The following BCL9 variants were observed in gnomAD, a reference collection of about 807,000 sequenced individuals.
BCL9 encodes the protein BCL9 transcription coactivator.
In BCL9, 25 loss-of-function variants were observed where a neutral mutation model predicts 88.5. The ratio of observed to expected loss-of-function variants is 0.28; its 90% CI spans 0.21 to 0.39. The LOEUF is 0.39. Ranked by LOEUF, BCL9 falls within the 10% of genes least tolerant of loss-of-function variation. The pLI is 1.00. For missense variants in BCL9, 1,817 were observed against 1,877.8 expected, an observed-to-expected ratio of 0.97 and a Z score of 0.60; for synonymous variants, 711 against 673.3, an observed-to-expected ratio of 1.06 and a Z score of -0.87.
intron 1 of BCL9, among the ~76,000 whole-genome samples, chr1:147,546,152 C>T (rs587752470): frequency 4.4e-4 from 67 of 152,028 alleles, no homozygotes; most frequent in Admixed American, 4.3e-3. Context: ...CTGGCTAAAA[C>T]GGTGAAACCC....
intron 8 of BCL9, among the ~76,000 whole-genome samples, 183 bp from the exon 9 acceptor site, chr1:147,622,088 A>G (rs587683843): frequency 6.6e-6 from 1 of 152,264 alleles, no homozygotes; most frequent in Admixed American, 6.5e-5. Flanking sequence ...ATCACACCAC[A>G]GTCTCCCTCT....
intron 1 of BCL9, among the ~76,000 whole-genome samples, chr1:147,571,584 T>G (rs1553197430): frequency 6.6e-6 from 1 of 152,182 alleles, no homozygotes; most frequent in Non-Finnish European, 1.5e-5. Context: ...CCCTTAGTTC[T>G]TCCTCAAATG....
rs1570903244 is a variant in BCL9, at chr1:147,611,747, C to T, written c.-90C>T. 2.3e-6 allele frequency: 3 copies of T among 1,289,758 alleles called. No homozygotes were observed. Among genetic ancestry groups the T allele is most frequent in the Non-Finnish European group, 3.4e-6 (3 of 887,608 alleles). The allele number at this position is 1,289,758 out of a possible 1,614,324, so 79.9% of individuals were successfully genotyped here. ...GCACCCAGCAAGCAGTGGGCCAGTG[C>T]CACTGCCCCCAGCAGCTGTTTCTGC... is the stretch of plus-strand genomic sequence containing the variant. On this transcript the variant is annotated 5_prime_UTR_variant, in exon 4 of 10. Transcript: ENST00000234739.
At chr1:147,576,961 C>T (rs1398738287) in intron 1 of BCL9, among the ~76,000 whole-genome samples, 1 of 152,086 alleles carries the variant, frequency 6.6e-6, no homozygotes, top group Admixed American at 6.5e-5. Flanking sequence ...ACCATCATTA[C>T]GTTATTTTGT....
chr1:147,551,956 G>A (rs1347666249), intron 1 of BCL9, among the ~76,000 whole-genome samples: 1 of 152,204 alleles, frequency 6.6e-6, no homozygotes, highest in Non-Finnish European at 1.5e-5. Flanking sequence ...ATAAATATCT[G>A]TTGTATGTCA....
At chr1:147,553,290 T>C (rs909825562) in intron 1 of BCL9, among the ~76,000 whole-genome samples, 2 of 152,210 alleles carry the variant, frequency 1.3e-5, no homozygotes, top group Non-Finnish European at 1.5e-5. Context: ...TTTGGTTCTT[T>C]ACTTAGCTTC....
intron 1 of BCL9, among the ~76,000 whole-genome samples, chr1:147,594,225 A>C (rs1361399730): frequency 6.6e-6 from 1 of 152,196 alleles, no homozygotes; most frequent in Non-Finnish European, 1.5e-5. Context: ...TTGACTGACG[A>C]GGGGAGAGGC....
At position 147,624,532 on chromosome 1, in the gene BCL9, G is replaced by A; in HGVS notation, c.3854G>A (p.Gly1285Glu). ...ATGGGCGAACAAGCCCCCAGAATGG[G>A]ACTAGCATTACCTGGCATGGGAGGT... Reference protein sequence around the residue: ...GMMGEQAPRMGLALPGMGGPG... With the variant: ...GMMGEQAPRMELALPGMGGPG... Residue 1285 changes from glycine to glutamate, a missense_variant, in exon 10 of 10, where the codon GGA becomes GAA. By Grantham distance (98) the Gly-to-Glu change is moderately conservative. This residue lies in a region of BCL9 where 589 missense variants were observed against 686.2 expected (regional missense o/e 0.86). Transcript: ENST00000234739. This position sits in a 1 kb window ranked among gnomAD's most constrained non-coding sequence, Gnocchi z 4.4. The A allele has an allele frequency of 6.2e-7, 1 of 1,614,148 alleles. No individual in the cohort carries two copies. The highest frequency in any genetic ancestry group is 1.1e-5 in the South Asian group (1 of 91,082).
rs1298308635 is a variant in BCL9, at chr1:147,619,147, C to T, written c.992C>T (p.Pro331Leu). The change falls in exon 8 of 10, where the codon CCT (proline) becomes CTT (leucine). Residue 331 changes from proline to leucine, a missense_variant. By Grantham distance (98) the Pro-to-Leu change is moderately conservative (BLOSUM62 -3). Transcript: ENST00000234739. The surrounding 1 kb of genome is among the most constrained non-coding windows in gnomAD (Gnocchi z 4.1). ...AGCTCTTCAGCAGATCCCAAAGCCC[C>T]TCCGCCTCCACCAGTGTCCAGTGGC... ...SNSSSADPKA[P>L]PPPPVSSGEP... 3.7e-6 allele frequency: 6 copies of T among 1,613,296 alleles called. No homozygotes were observed. The highest frequency in any genetic ancestry group is 3.3e-5 in the Admixed American group (2 of 59,904).
Position 147,622,493 on chromosome 1 carries a change from C to T in BCL9, c.3125C>T (p.Ala1042Val). 6.2e-7 allele frequency: 1 copy of T among 1,614,182 alleles called. No homozygotes were observed. The highest frequency in any genetic ancestry group is 8.5e-7 in the Non-Finnish European group (1 of 1,180,038). ...VASSDDDSPPARSPNLPSMNN... is the reference protein window; with the variant it reads ...VASSDDDSPPVRSPNLPSMNN... ...AGCTCAGATGACGACTCCCCTCCAGCTCGTTCTCCCAACTTGCCATCAATG... is the reference window on the plus strand; with the variant it reads ...AGCTCAGATGACGACTCCCCTCCAGTTCGTTCTCCCAACTTGCCATCAATG... Residue 1042 changes from alanine (A) to valine (V), a missense_variant, in exon 9 of 10, where the codon GCT becomes GTT. By Grantham distance (64) the Ala-to-Val change is moderately conservative. This residue lies in a region of BCL9 where 589 missense variants were observed against 686.2 expected (regional missense o/e 0.86). Coordinates refer to ENST00000234739, the MANE Select transcript of BCL9 (RefSeq NM_004326.4).
At chr1:147,548,420 C>A (rs1030264125) in intron 1 of BCL9, among the ~76,000 whole-genome samples, 4 of 152,164 alleles carry the variant, frequency 2.6e-5, no homozygotes, top group Admixed American at 1.3e-4. Context: ...CTTTTCCAAG[C>A]CAGCTCCAGC....
At chr1:147,603,654 A>C (rs587672790) in intron 1 of BCL9, among the ~76,000 whole-genome samples, 2 of 146,856 alleles carry the variant, frequency 1.4e-5, no homozygotes, top group Admixed American at 1.4e-4. Flanking sequence ...GGTACACGCT[A>C]CCATGCCCAG....
Position 147,619,484 on chromosome 1 carries a change from T to G in BCL9, c.1329T>G (p.Asp443Glu). Residue 443 changes from aspartate to glutamate, a missense_variant, in exon 8 of 10, where the codon GAT (aspartate) becomes GAG (glutamate). Asp to Glu is a conservative substitution (Grantham distance 45). Around this residue, in one of 2 missense-constraint regions of BCL9, gnomAD observed 1,228 missense variants for 1,191.6 expected, o/e 1.03. Coordinates refer to ENST00000234739, the MANE Select transcript of BCL9 (RefSeq NM_004326.4). The surrounding 1 kb of genome is among the most constrained non-coding windows in gnomAD (Gnocchi z 4.1). Reference protein sequence around the residue: ...QGHRDVPFSPDEMVPPSMNSQ... With the variant: ...QGHRDVPFSPEEMVPPSMNSQ... The stretch of plus-strand genomic sequence containing the variant: ...ATAGAGATGTACCCTTTTCTCCAGA[T>G]GAAATGGTTCCACCTTCTATGAACT... The G allele has an allele frequency of 6.2e-7, 1 of 1,614,050 alleles. No individual in the cohort carries two copies. The highest frequency in any genetic ancestry group is 8.5e-7 in the Non-Finnish European group (1 of 1,180,024).
chr1:147,614,975 A>G (rs1658200733), intron 6 of BCL9, among the ~76,000 whole-genome samples: 1 of 151,610 alleles, frequency 6.6e-6, no homozygotes, highest in African/African-American at 2.4e-5. Context: ...ATTAGCTGGG[A>G]TTACAGGAAC....
At chr1:147,601,327 A>T (rs1553201262) in intron 1 of BCL9, among the ~76,000 whole-genome samples, 2 of 152,236 alleles carry the variant, frequency 1.3e-5, no homozygotes, top group African/African-American at 4.8e-5. Context: ...TGATTACAGC[A>T]AACATAGGTA....
chr1:147,594,328 A>G (rs1467449448), intron 1 of BCL9, among the ~76,000 whole-genome samples: 1 of 152,224 alleles, frequency 6.6e-6, no homozygotes, highest in Non-Finnish European at 1.5e-5. Flanking sequence ...TGGTGATGAG[A>G]GGAGACAAAG....
intron 1 of BCL9, among the ~76,000 whole-genome samples, chr1:147,545,424 C>A (rs1654520690): frequency 6.6e-6 from 1 of 152,118 alleles, no homozygotes; most frequent in South Asian, 2.1e-4. Flanking sequence ...GAGGAGTAAT[C>A]CAAGTGGGGA....
chr1:147,555,356 C>G (rs1655060105), intron 1 of BCL9, among the ~76,000 whole-genome samples: 1 of 152,216 alleles, frequency 6.6e-6, no homozygotes, highest in South Asian at 2.1e-4. Context: ...CAACTCAGGA[C>G]TCACCTGCCC....
In BCL9 at chr1:147,620,295, A is replaced by G; in HGVS notation, c.2140A>G (p.Ser714Gly). 6.2e-7 allele frequency: 1 copy of G among 1,614,120 alleles called. No individual in the cohort carries two copies. Among genetic ancestry groups the G allele is most frequent in the Non-Finnish European group, 8.5e-7 (1 of 1,179,964 alleles). ...GRELEFGMVP[S>G]GMKGDVNLNV... is the part of the protein sequence containing the mutation. ...GGAACTTGAGTTTGGGATGGTTCCT[A>G]GTGGGATGAAGGGAGATGTCAATCT... Residue 714 changes from serine (S) to glycine (G), a missense_variant, in exon 8 of 10, where the codon AGT (serine) becomes GGT (glycine). Ser to Gly is a moderately conservative substitution (Grantham distance 56). This residue lies in a region of BCL9 where 1,228 missense variants were observed against 1,191.6 expected (regional missense o/e 1.03). Transcript: ENST00000234739.
Sources: gnomAD v4.1 joint callset for allele counts (sites outside exome capture counted in the v4.1 genomes callset) on GRCh38, gnomAD v4.1.1 for gene constraint, gnomAD v4.1.1 regional missense constraint, Gnocchi (gnomAD v3.1) non-coding constraint, MANE v1.5 for transcripts, NCBI Gene and HGNC (gene_info 2026-07-23, HGNC 2026-07-21) for gene names.